FBXL13: variants seen among roughly 807,000 people sequenced by gnomAD.
The protein encoded by FBXL13 is F-box and leucine-rich repeat protein 13.
FBXL13 carries 67 observed loss-of-function variants against 83.6 expected under a neutral mutation model. The ratio of observed to expected loss-of-function variants is 0.80; its 90% confidence interval spans 0.66 to 0.98. FBXL13 has a LOEUF of 0.98. Among genes scored for constraint, FBXL13 ranks in the 50% least tolerant of loss-of-function variants. The pLI is 0.00. For synonymous variants in FBXL13, 272 were observed against 299.5 expected (o/e 0.91, Z 0.95); for missense variants, 822 against 866.5 (o/e 0.95, Z 0.64).
At chr7:103,027,981 G>A (rs978996126) in intron 4 of FBXL13, among the ~76,000 whole-genome samples, 7 of 151,942 alleles carry the variant, frequency 4.6e-5, no homozygotes, top group Admixed American at 3.9e-4. Flanking sequence ...TAAAATTTTC[G>A]GAGGGTCCAC....
intron 11 of FBXL13, among the ~76,000 whole-genome samples, chr7:102,899,005 C>T (rs1812637227): frequency 6.6e-6 from 1 of 152,272 alleles, no homozygotes; most frequent in African/African-American, 2.4e-5. Context: ...CAACCTCCAT[C>T]TTCGGGTTCA....
chr7:102,989,314 T>C (rs1829316096), intron 6 of FBXL13, among the ~76,000 whole-genome samples: 1 of 152,180 alleles, frequency 6.6e-6, no homozygotes, highest in Non-Finnish European at 1.5e-5. Flanking sequence ...ATCTGATCTT[T>C]CCCAAGACAG....
chr7:102,861,429 A>C (rs1806820598), intron 16 of FBXL13, among the ~76,000 whole-genome samples: 1 of 152,016 alleles, frequency 6.6e-6, no homozygotes, highest in Admixed American at 6.5e-5. Flanking sequence ...TTTTGCAAAA[A>C]TACTCCTGAA....
chr7:102,985,542 T>TC (rs1173999807), intron 6 of FBXL13, among the ~76,000 whole-genome samples: 1 of 152,220 alleles, frequency 6.6e-6, no homozygotes, highest in Admixed American at 6.5e-5. Flanking sequence ...ATACTTTTTT[T>TC]CTACATAGAT....
chr7:102,962,490 C>T (rs1340602731), intron 8 of FBXL13, among the ~76,000 whole-genome samples: 1 of 152,152 alleles, frequency 6.6e-6, no homozygotes, highest in Admixed American at 6.5e-5. Context: ...TGAGTATATA[C>T]CCAAAGGACT....
At chr7:102,916,798 G>GT (rs1815966182) in intron 10 of FBXL13, among the ~76,000 whole-genome samples, 1 of 150,818 alleles carries the variant, frequency 6.6e-6, no homozygotes, top group South Asian at 2.1e-4. Context: ...TTATGGGGGG[G>GT]GGTGTGAGTC....
chr7:102,895,187 G>A (rs1812108496), intron 11 of FBXL13, among the ~76,000 whole-genome samples: 1 of 152,194 alleles, frequency 6.6e-6, no homozygotes, highest in Admixed American at 6.5e-5. Context: ...ACCCAGCTTG[G>A]AATAGGGCAA....
exon 1 of FBXL13, chr7:103,074,553 C>T: frequency 2.5e-6 from 3 of 1,217,044 alleles, no homozygotes; most frequent in Non-Finnish European, 3.2e-6. Context: ...AATTTGACTT[C>T]ACTTTCTCGC....
At position 102,850,564 on chromosome 7, in the gene FBXL13, T is replaced by C. The variant is rs146565052; in HGVS notation, c.1719+4213A>G. 1.4e-3 allele frequency among the ~76,000 whole-genome samples: 220 copies of C among 152,330 alleles called. 2 individuals carry two copies. Among genetic ancestry groups the C allele is most frequent in the African/African-American group, 5.2e-3 (215 of 41,574 alleles). ...AGCCTGACTATATCATATTCATAGA[T>C]AAAACTTTGTATAAATGCATGTTTA... is the stretch of plus-strand genomic sequence containing the variant. On this transcript the variant is annotated intron_variant, in intron 17 of 19. Transcript: ENST00000313221.
chr7:102,880,530 G>A (rs1809890192), intron 14 of FBXL13, among the ~76,000 whole-genome samples: 1 of 151,946 alleles, frequency 6.6e-6, no homozygotes, highest in Admixed American at 6.5e-5. Context: ...ATTATGTTTG[G>A]TTGTCTGCTC....
intron 18 of FBXL13, among the ~76,000 whole-genome samples, chr7:102,831,251 G>A (rs898907349): frequency 6.6e-6 from 1 of 152,146 alleles, no homozygotes. Context: ...AGTATCTCTA[G>A]AGTAGTGGGT....
At chr7:102,952,518 G>A (rs1042234093) in intron 8 of FBXL13, among the ~76,000 whole-genome samples, 11 of 152,054 alleles carry the variant, frequency 7.2e-5, no homozygotes, top group African/African-American at 2.4e-4. Context: ...CTTTACAGAA[G>A]TAAAAAGGAT....
intron 6 of FBXL13, chr7:102,973,574 T>C (rs1023455652): frequency 1.3e-6 from 1 of 765,378 alleles, no homozygotes; most frequent in African/African-American, 1.7e-5. Flanking sequence ...GTGTTGTCTG[T>C]TGGCACACTC....
intron 6 of FBXL13, among the ~76,000 whole-genome samples, chr7:103,005,918 C>A (rs78177075): frequency 6.6e-6 from 1 of 152,028 alleles, no homozygotes; most frequent in Non-Finnish European, 1.5e-5. Context: ...AAGTTGGCTA[C>A]CATGCAAGTT....
intron 2 of FBXL13, among the ~76,000 whole-genome samples, chr7:103,037,431 A>C (rs1489553900): frequency 6.6e-6 from 1 of 152,168 alleles, no homozygotes; most frequent in African/African-American, 2.4e-5. Flanking sequence ...TTTCAAATCC[A>C]TATCTTTCAT....
At chr7:102,942,229 T>C in intron 8 of FBXL13, 1 of 1,346,830 alleles carries the variant, frequency 7.4e-7, no homozygotes, top group Non-Finnish European at 1.0e-6. Context: ...AAAAAGTATC[T>C]TGGCAGTTAA....
Position 102,872,074 on chromosome 7 carries a change from A to G in FBXL13, c.1635+5393T>C, listed in dbSNP as rs547599797. ...GACACAGTATGACATTCCCTCCATG[A>G]TATCTTTTTTATATAGTGTATTCTA... is the stretch of plus-strand genomic sequence containing the variant. On this transcript the variant is annotated intron_variant, in intron 16 of 19. Coordinates refer to ENST00000313221, the Ensembl canonical transcript of FBXL13. Among the ~76,000 whole-genome samples, 7 of 152,196 alleles carry G rather than the reference A, an allele frequency of 4.6e-5. No homozygotes were observed. In the South Asian group the frequency reaches 1.5e-3, roughly 32 times the overall value.
At chr7:102,896,958 G>A (rs1812323508) in intron 11 of FBXL13, among the ~76,000 whole-genome samples, 1 of 151,890 alleles carries the variant, frequency 6.6e-6, no homozygotes, top group Non-Finnish European at 1.5e-5. Flanking sequence ...TATAAAGATG[G>A]AGCTGCCATT....
chr7:103,069,733 T>C (rs1306474975), intron 1 of FBXL13, among the ~76,000 whole-genome samples: 3 of 152,198 alleles, frequency 2.0e-5, no homozygotes, highest in Non-Finnish European at 4.4e-5. Flanking sequence ...GAGTATATCA[T>C]CTGGAACTTC....
Sources: allele counts gnomAD v4.1 joint callset (sites outside exome capture counted in the v4.1 genomes callset), GRCh38; gene constraint gnomAD v4.1.1; transcripts MANE v1.5; gene names NCBI Gene and HGNC (gene_info 2026-07-23, HGNC 2026-07-21).